The following CDH18 variants were observed in gnomAD, a reference collection of about 807,000 sequenced individuals.
CDH18 encodes cadherin-18.
CDH18 carries 31 observed loss-of-function variants against 67.9 expected under a neutral mutation model. The ratio of observed to expected loss-of-function variants is 0.46; its 90% confidence interval spans 0.34 to 0.62. The LOEUF (loss-of-function observed/expected upper bound fraction) is 0.62, where lower values mean the gene tolerates loss of function less well. CDH18 is among the 20% of genes least tolerant of loss of function. CDH18 has a pLI of 0.01. For missense variants in CDH18, 890 were observed against 975.5 expected, an observed-to-expected ratio of 0.91 and a Z score of 1.17; for synonymous variants, 362 against 347.2, an observed-to-expected ratio of 1.04 and a Z score of -0.48.
chr5:20,326,530 A>T (rs1197716818), intron 1 of CDH18, among the ~76,000 whole-genome samples: 2 of 150,884 alleles, frequency 1.3e-5, no homozygotes, highest in Non-Finnish European at 3.0e-5. Context: ...AATATTAAAC[A>T]TATTTACTTT....
chr5:19,775,142 C>T (rs1335613188), intron 3 of CDH18, among the ~76,000 whole-genome samples: 2 of 152,038 alleles, frequency 1.3e-5, no homozygotes, highest in Non-Finnish European at 2.9e-5. Flanking sequence ...GGGCAATGCA[C>T]CATACTGGAA....
chr5:19,620,414 A>T (rs2150138620), intron 5 of CDH18, among the ~76,000 whole-genome samples: 1 of 152,210 alleles, frequency 6.6e-6, no homozygotes, highest in Non-Finnish European at 1.5e-5. Context: ...CATACCCGGG[A>T]TTTCCTGACA....
chr5:19,678,256 A>AAC (rs1305034781), intron 5 of CDH18, among the ~76,000 whole-genome samples: 4 of 151,620 alleles, frequency 2.6e-5, no homozygotes, highest in Middle Eastern at 3.2e-3. Flanking sequence ...CAAAAAAAAA[A>AAC]AACACTGAAA....
At position 19,727,688 on chromosome 5, in the gene CDH18, T is replaced by G. The variant is rs150016694; in HGVS notation, c.524-6222A>C. On this transcript the variant is annotated intron_variant, in intron 4 of 12. Transcript: ENST00000382275. ...TTATTCTCATAATTTATAGTTGCTTTTTAATCTGGGCAAAACTATGAAGTT... is the reference window on the plus strand; with the variant it reads ...TTATTCTCATAATTTATAGTTGCTTGTTAATCTGGGCAAAACTATGAAGTT... 3.7e-3 allele frequency among the ~76,000 whole-genome samples: 553 copies of G among 150,086 alleles called. 1 individual carries two copies. The highest frequency in any genetic ancestry group is 6.0e-3 in the Non-Finnish European group (404 of 67,402).
At chr5:19,610,026 G>A (rs1748688469) in intron 6 of CDH18, among the ~76,000 whole-genome samples, 1 of 152,072 alleles carries the variant, frequency 6.6e-6, no homozygotes, top group South Asian at 2.1e-4. Flanking sequence ...TTTTGTCATG[G>A]TGACACCAAA....
At chr5:20,428,952 G>A (rs765118441) in intron 1 of CDH18, among the ~76,000 whole-genome samples, 16 of 152,206 alleles carry the variant, frequency 1.1e-4, no homozygotes, top group South Asian at 2.1e-4. Flanking sequence ...AGCTATGTGC[G>A]TTTTTACTGA....
At chr5:19,496,092 A>G (rs1473542975) in intron 11 of CDH18, among the ~76,000 whole-genome samples, 1 of 152,216 alleles carries the variant, frequency 6.6e-6, no homozygotes, top group Non-Finnish European at 1.5e-5. Flanking sequence ...GCCCTGGAAG[A>G]CAAAAGAAAA....
chr5:20,268,379 G>A (rs1745198646), intron 1 of CDH18, among the ~76,000 whole-genome samples: 1 of 152,086 alleles, frequency 6.6e-6, no homozygotes, highest in African/African-American at 2.4e-5. Context: ...CAATTTAAAT[G>A]TCATTTATTT....
intron 3 of CDH18, among the ~76,000 whole-genome samples, chr5:19,774,232 A>G (rs1316357165): frequency 6.6e-6 from 1 of 151,866 alleles, no homozygotes; most frequent in East Asian, 1.9e-4. Context: ...TTATGGACTG[A>G]ATATTTGTGC....
intron 2 of CDH18, among the ~76,000 whole-genome samples, chr5:19,974,952 T>G (rs1489515007): frequency 5.3e-5 from 8 of 152,130 alleles, no homozygotes; most frequent in African/African-American, 1.9e-4. Context: ...CTAGGAACTC[T>G]ATGACTTAAA....
In CDH18 at chr5:20,418,242, A is replaced by ATTTTTTTTTTTTTTTTTTT. The variant is rs58308147; in HGVS notation, c.-580+157201_-580+157219dup. ...AGGTGTCTGCCACCACTGCTGGCTA[A>ATTTTTTTTTTTTTTTTTTT]TTTTTTTTTTTTTTTTTTTTTTTTG... On this transcript the variant is annotated intron_variant, in intron 1 of 14. Transcript: ENST00000507958. 4.3e-3 allele frequency among the ~76,000 whole-genome samples: 247 copies of ATTTTTTTTTTTTTTTTTTT among 56,904 alleles called. 29 individuals carry two copies. Among genetic ancestry groups the ATTTTTTTTTTTTTTTTTTT allele is most frequent in the African/African-American group, 9.0e-3 (108 of 12,042 alleles). The allele number at this position is 56,904 out of a possible 152,430, so 37.3% of individuals were successfully genotyped here. A position where few individuals can be genotyped will look rare whatever the true frequency, so the allele number is the denominator to read the frequency against.
chr5:20,257,843 C>A (rs1163818636), intron 1 of CDH18, among the ~76,000 whole-genome samples: 1 of 152,068 alleles, frequency 6.6e-6, no homozygotes, highest in Non-Finnish European at 1.5e-5. Flanking sequence ...TTTTAAAATG[C>A]AACAATTATT....
At chr5:19,529,234 T>C (rs1165382656) in intron 9 of CDH18, among the ~76,000 whole-genome samples, 1 of 151,940 alleles carries the variant, frequency 6.6e-6, no homozygotes, top group Non-Finnish European at 1.5e-5. Context: ...GTGAATATAA[T>C]TCACTGCACA....
At chr5:19,847,561 AT>A (rs1783138078) in intron 2 of CDH18, among the ~76,000 whole-genome samples, 1 of 151,964 alleles carries the variant, frequency 6.6e-6, no homozygotes, top group South Asian at 2.1e-4. Context: ...TTTGTTATAT[AT>A]TTCATATACT....
At chr5:19,801,715 A>C (rs1457724099) in intron 3 of CDH18, among the ~76,000 whole-genome samples, 1 of 152,184 alleles carries the variant, frequency 6.6e-6, no homozygotes, top group Non-Finnish European at 1.5e-5. Context: ...CTTTGTTTTC[A>C]ACATTCTTTA....
At chr5:20,146,949 A>G (rs895429609) in intron 2 of CDH18, among the ~76,000 whole-genome samples, 3 of 152,090 alleles carry the variant, frequency 2.0e-5, no homozygotes, top group Non-Finnish European at 4.4e-5. Flanking sequence ...TTGAGGAAAA[A>G]TTGCAAATTA....
chr5:19,615,266 T>C (rs1749642394), intron 5 of CDH18, among the ~76,000 whole-genome samples: 1 of 152,114 alleles, frequency 6.6e-6, no homozygotes, highest in Admixed American at 6.5e-5. Context: ...CAAATTGCCA[T>C]AGCAACATGA....
At chr5:20,393,889 C>A (rs772289397) in intron 1 of CDH18, among the ~76,000 whole-genome samples, 23 of 151,970 alleles carry the variant, frequency 1.5e-4, no homozygotes, top group Non-Finnish European at 2.5e-4. Context: ...TGAAACACTG[C>A]TGAAAGAAAT....
At chr5:20,042,267 G>T (rs1395099989) in intron 2 of CDH18, among the ~76,000 whole-genome samples, 1 of 152,172 alleles carries the variant, frequency 6.6e-6, no homozygotes, top group African/African-American at 2.4e-5. Flanking sequence ...TTCATATTTT[G>T]TTGAGTTTAC....
Sources: allele counts gnomAD v4.1 joint callset (sites outside exome capture counted in the v4.1 genomes callset), GRCh38; gene constraint gnomAD v4.1.1; transcripts MANE v1.5; gene names NCBI Gene and HGNC (gene_info 2026-07-23, HGNC 2026-07-21).